The following KCNQ5 variants were observed in gnomAD, a reference collection of about 807,000 sequenced individuals.
KCNQ5 encodes the protein potassium voltage-gated channel subfamily Q member 5, also known as potassium voltage-gated channel subfamily KQT member 5.
In KCNQ5, 30 loss-of-function variants were observed where a neutral mutation model predicts 98.2. The observed-to-expected ratio is 0.31, with a 90% CI of 0.23 to 0.41. KCNQ5 has a LOEUF of 0.41. Among genes scored for constraint, KCNQ5 ranks in the 10% least tolerant of loss-of-function variants. The pLI is 1.00. For missense variants in KCNQ5, 835 were observed against 1,182.5 expected (o/e 0.71, Z 4.31); for synonymous variants, 458 against 449.4 (o/e 1.02, Z -0.24).
Position 73,023,988 on chromosome 6 carries a change from G to T in KCNQ5, c.490-17948G>T, listed in dbSNP as rs11753239. ...GAAATGGAGCACCTTGGAAGGTTTA[G>T]GTTTTTTATCTACATAAATATCATT... On this transcript the variant is annotated intron_variant, in intron 2 of 13. Transcript: ENST00000370398. 1.7e-3 allele frequency among the ~76,000 whole-genome samples: 263 copies of T among 152,246 alleles called. 2 individuals carry two copies. Among genetic ancestry groups the T allele is most frequent in the Middle Eastern group, 3.4e-3 (1 of 294 alleles).
At chr6:73,123,771 G>A (rs1775838783) in intron 8 of KCNQ5, among the ~76,000 whole-genome samples, 2 of 152,100 alleles carry the variant, frequency 1.3e-5, no homozygotes, top group Admixed American at 1.3e-4. Context: ...AACACCTTGT[G>A]GTACCTTAAG....
At position 73,169,861 on chromosome 6, in the gene KCNQ5, G is replaced by A. The variant is rs1256110367; in HGVS notation, c.1577+7G>A. On this transcript the variant is annotated splice_region_variant and intron_variant, in intron 11 of 13. Coordinates refer to ENST00000370398, the MANE Select transcript of KCNQ5 (RefSeq NM_019842.4). ...CTGTCATTCGAGCTATCAGGTTGGT[G>A]AAAATCTTGAACAACGTGATTCAGA... The A allele has an allele frequency of 1.9e-6, 3 of 1,543,482 alleles. No individual in the cohort carries two copies. Among genetic ancestry groups the A allele is most frequent in the Non-Finnish European group, 2.7e-6 (3 of 1,115,546 alleles).
Position 72,779,821 on chromosome 6 carries a change from C to CTGTGTG in KCNQ5, c.398+157290_398+157295dup, listed in dbSNP as rs35526812. Among the ~76,000 whole-genome samples, 205 of 124,920 alleles carry CTGTGTG rather than the reference C, an allele frequency of 1.6e-3. 2 individuals carry two copies. Among genetic ancestry groups the CTGTGTG allele is most frequent in the Non-Finnish European group, 2.9e-3 (174 of 59,084 alleles). The allele number at this position is 124,920 out of a possible 152,430, so 82.0% of individuals were successfully genotyped here. A position where few individuals can be genotyped will look rare whatever the true frequency, so the allele number is the denominator to read the frequency against. The stretch of plus-strand genomic sequence containing the variant: ...CACCATGCCCAGCTAATTTAATTTT[C>CTGTGTG]TGTGTGTGTGTGTGTGTGTGTGTGT... On this transcript the variant is annotated intron_variant, in intron 1 of 13. Coordinates refer to ENST00000370398, the MANE Select transcript of KCNQ5 (RefSeq NM_019842.4).
intron 1 of KCNQ5, among the ~76,000 whole-genome samples, chr6:72,710,840 G>A (rs1769330128): frequency 6.6e-6 from 1 of 152,048 alleles, no homozygotes; most frequent in Non-Finnish European, 1.5e-5. Context: ...TGGGCCAAAT[G>A]GACCTAACAG....
At chr6:73,018,317 C>G (rs1770443605) in intron 2 of KCNQ5, among the ~76,000 whole-genome samples, 1 of 152,030 alleles carries the variant, frequency 6.6e-6, no homozygotes, top group African/African-American at 2.4e-5. Context: ...GTCACTGTAG[C>G]CAGGCAGGGA....
intron 10 of KCNQ5, among the ~76,000 whole-genome samples, chr6:73,150,675 A>G (rs1777113104): frequency 6.6e-6 from 1 of 151,560 alleles, no homozygotes; most frequent in South Asian, 2.1e-4. Context: ...ACTACTCAGC[A>G]GTAAAGATGA....
chr6:72,750,837 G>A (rs1771641753), intron 1 of KCNQ5, among the ~76,000 whole-genome samples: 1 of 152,024 alleles, frequency 6.6e-6, no homozygotes, highest in South Asian at 2.1e-4. Context: ...TTTTATACCA[G>A]ATGATAGTGA....
At chr6:72,922,453 A>G (rs1356295064) in intron 1 of KCNQ5, among the ~76,000 whole-genome samples, 2 of 152,176 alleles carry the variant, frequency 1.3e-5, no homozygotes, top group Non-Finnish European at 2.9e-5. Flanking sequence ...GTAATTTTCA[A>G]GTAGGCAGTA....
intron 10 of KCNQ5, among the ~76,000 whole-genome samples, chr6:73,166,268 T>TA (rs1165108599): frequency 6.6e-6 from 1 of 151,082 alleles, no homozygotes; most frequent in Non-Finnish European, 1.5e-5. Flanking sequence ...CCGACACTAC[T>TA]AAAAAAAATA....
intron 3 of KCNQ5, among the ~76,000 whole-genome samples, chr6:73,060,848 G>T (rs1582278122): frequency 1.3e-5 from 2 of 152,256 alleles, no homozygotes; most frequent in East Asian, 3.9e-4. Context: ...GCAAAAATCT[G>T]CAGTTTGACC....
intron 9 of KCNQ5, chr6:73,125,308 C>G (rs969546551): frequency 2.7e-6 from 1 of 364,590 alleles, no homozygotes; most frequent in Non-Finnish European, 5.6e-6. Flanking sequence ...ATTTCTTGAT[C>G]TGTGTTAATG....
chr6:72,645,347 C>T (rs1327914987), intron 1 of KCNQ5, among the ~76,000 whole-genome samples: 1 of 150,640 alleles, frequency 6.6e-6, no homozygotes, highest in Non-Finnish European at 1.5e-5. Context: ...GATGATGCCA[C>T]TGCACTCCAG....
At chr6:72,988,721 T>A (rs1233276087) in intron 1 of KCNQ5, among the ~76,000 whole-genome samples, 2 of 129,658 alleles carry the variant, frequency 1.5e-5, no homozygotes, top group Non-Finnish European at 3.3e-5. Context: ...TAGTTACATA[T>A]GTATACATGT....
intron 1 of KCNQ5, among the ~76,000 whole-genome samples, chr6:72,634,182 C>T (rs1378488958): frequency 1.3e-5 from 2 of 152,108 alleles, no homozygotes; most frequent in Non-Finnish European, 2.9e-5. Context: ...ATAGTGTATG[C>T]ACAATAAATG....
chr6:73,137,778 C>A (rs1248818240), intron 10 of KCNQ5, among the ~76,000 whole-genome samples: 2 of 152,196 alleles, frequency 1.3e-5, no homozygotes, highest in Non-Finnish European at 2.9e-5. Flanking sequence ...AGCCACCATG[C>A]ACATGCAGGC....
At chr6:73,140,309 C>T (rs1227007833) in intron 10 of KCNQ5, among the ~76,000 whole-genome samples, 2 of 152,212 alleles carry the variant, frequency 1.3e-5, no homozygotes, top group East Asian at 1.9e-4. Context: ...CCCCAGTTGA[C>T]ATTTTTGGTG....
At chr6:73,192,340 A>C (rs1765621969) in intron 12 of KCNQ5, among the ~76,000 whole-genome samples, 1 of 152,236 alleles carries the variant, frequency 6.6e-6, no homozygotes, top group African/African-American at 2.4e-5. Flanking sequence ...CTTCCAGAAG[A>C]TCACCCATAA....
chr6:73,089,334 T>C (rs1216993415), intron 5 of KCNQ5, among the ~76,000 whole-genome samples: 1 of 152,164 alleles, frequency 6.6e-6, no homozygotes, highest in African/African-American at 2.4e-5. Context: ...AGTAGCTTTT[T>C]TTGTTGTTGT....
At chr6:72,714,257 T>C (rs1769527158) in intron 1 of KCNQ5, among the ~76,000 whole-genome samples, 1 of 152,190 alleles carries the variant, frequency 6.6e-6, no homozygotes, top group South Asian at 2.1e-4. Context: ...ACTGCTATGT[T>C]TGTAAGAATT....
Sources: allele counts gnomAD v4.1 joint callset (sites outside exome capture counted in the v4.1 genomes callset), GRCh38; gene constraint gnomAD v4.1.1; transcripts MANE v1.5; gene names NCBI Gene and HGNC (gene_info 2026-07-23, HGNC 2026-07-21).